Variants in VTI1A observed in about 807,000 individuals in gnomAD.
VTI1A encodes the protein vesicle transport through interaction with t-SNAREs homolog 1A.
A neutral mutation model predicts 34.9 loss-of-function variants in VTI1A; 22 were observed. The observed-to-expected ratio is 0.63, with a 90% CI of 0.45 to 0.90. The LOEUF (loss-of-function observed/expected upper bound fraction) is 0.90. VTI1A is among the 40% of genes least tolerant of loss of function. VTI1A has a pLI of 0.00. For synonymous variants in VTI1A, 87 were observed against 97.3 expected (o/e 0.89, Z 0.62); for missense variants, 268 against 275.6 (o/e 0.97, Z 0.20).
intron 5 of VTI1A, among the ~76,000 whole-genome samples, chr10:112,631,032 G>C (rs1190731153): frequency 2.6e-5 from 4 of 152,072 alleles, no homozygotes; most frequent in African/African-American, 9.7e-5. Flanking sequence ...TGAGACAGGA[G>C]AATCGCTTGA....
At chr10:112,758,611 T>C (rs1851362674) in intron 7 of VTI1A, among the ~76,000 whole-genome samples, 1 of 152,226 alleles carries the variant, frequency 6.6e-6, no homozygotes, top group Admixed American at 6.5e-5. Flanking sequence ...GAGCAAGGGC[T>C]TGGGCTGAGA....
chr10:112,813,494 T>C (rs983655321), intron 7 of VTI1A, among the ~76,000 whole-genome samples: 14 of 152,158 alleles, frequency 9.2e-5, no homozygotes, highest in African/African-American at 2.7e-4. Flanking sequence ...CTGTGGTAAA[T>C]AGAGATTTTG....
At chr10:112,827,242 A>G in the VTI1A span, 6 of 152,222 alleles carry the variant, frequency 3.9e-5, no homozygotes, top group African/African-American at 1.2e-4. Context: ...CGTGTAACTG[A>G]GCGATCGCGC....
chr10:112,647,059 AG>A (rs1057076155), intron 5 of VTI1A, among the ~76,000 whole-genome samples: 4 of 152,212 alleles, frequency 2.6e-5, no homozygotes, highest in Admixed American at 2.6e-4. Flanking sequence ...TTGCCCCCAC[AG>A]GCAAGTTGTT....
chr10:112,548,956 C>A (rs767458411), intron 5 of VTI1A: 10 of 687,142 alleles, frequency 1.5e-5, no homozygotes, highest in African/African-American at 3.6e-5. Flanking sequence ...ATAATTATAT[C>A]TTTCTTTCTT....
At chr10:112,478,148 A>G (rs975838156) in intron 3 of VTI1A, among the ~76,000 whole-genome samples, 4 of 152,208 alleles carry the variant, frequency 2.6e-5, no homozygotes, top group African/African-American at 9.7e-5. Flanking sequence ...TTAGATTGCT[A>G]GAAGTAGTGA....
At chr10:112,492,557 G>C (rs188951752) in intron 3 of VTI1A, among the ~76,000 whole-genome samples, 73 of 152,246 alleles carry the variant, frequency 4.8e-4, no homozygotes, top group Non-Finnish European at 1.8e-4. Flanking sequence ...GGAGACCCAG[G>C]CAGGCAGATC....
chr10:112,569,007 C>A (rs1216060966), intron 5 of VTI1A, among the ~76,000 whole-genome samples: 3 of 151,994 alleles, frequency 2.0e-5, no homozygotes, highest in African/African-American at 7.2e-5. Flanking sequence ...ATACAAAAAT[C>A]ATCCGGGTGT....
intron 5 of VTI1A, among the ~76,000 whole-genome samples, chr10:112,622,044 C>T (rs1296598291): frequency 6.6e-6 from 1 of 152,106 alleles, no homozygotes; most frequent in East Asian, 1.9e-4. Context: ...CTTATTTTAA[C>T]TCTGGTTCTA....
chr10:112,649,052 G>C (rs927535859), intron 5 of VTI1A, among the ~76,000 whole-genome samples: 2 of 152,132 alleles, frequency 1.3e-5, no homozygotes, highest in African/African-American at 4.8e-5. Context: ...GGATTTGCCA[G>C]TGATAAATGG....
intron 7 of VTI1A, among the ~76,000 whole-genome samples, chr10:112,768,815 G>A (rs772522976): frequency 6.6e-6 from 1 of 152,122 alleles, no homozygotes; most frequent in Non-Finnish European, 1.5e-5. Context: ...TATAATCATG[G>A]AGCCTCATGT....
At chr10:112,654,164 G>A (rs1847140355) in intron 5 of VTI1A, among the ~76,000 whole-genome samples, 1 of 152,164 alleles carries the variant, frequency 6.6e-6, no homozygotes, top group East Asian at 1.9e-4. Flanking sequence ...ATTTGGTTAT[G>A]TACTCTCCTT....
intron 5 of VTI1A, among the ~76,000 whole-genome samples, chr10:112,546,204 T>TACACACACAC (rs140142571): frequency 7.3e-6 from 1 of 136,182 alleles, no homozygotes; most frequent in African/African-American, 2.7e-5. Flanking sequence ...TATATATGCA[T>TACACACACAC]ACACACACAC....
chr10:112,538,392 A>C, intron 5 of VTI1A, 62 bp downstream of exon 5: 1 of 1,480,652 alleles, frequency 6.8e-7, no homozygotes. Flanking sequence ...ACAACACATG[A>C]CATTTCAGGG....
chr10:112,495,492 TA>T (rs926668717), intron 3 of VTI1A, among the ~76,000 whole-genome samples: 3 of 152,096 alleles, frequency 2.0e-5, no homozygotes, highest in African/African-American at 7.2e-5. Flanking sequence ...TGGGAGAGAC[TA>T]GGGGTGGGGC....
chr10:112,809,539 T>C (rs756029491), intron 7 of VTI1A, among the ~76,000 whole-genome samples: 2 of 152,296 alleles, frequency 1.3e-5, no homozygotes, highest in Non-Finnish European at 2.9e-5. Context: ...CTGTAAAGTG[T>C]CTGCCACTCT....
intron 5 of VTI1A, among the ~76,000 whole-genome samples, chr10:112,546,005 T>TGTGTGTGTATATACGTGTATACGCGC (rs1851081290): frequency 1.5e-5 from 2 of 136,928 alleles, no homozygotes; most frequent in African/African-American, 3.1e-5. Flanking sequence ...TGTATACGCG[T>TGTGTGTGTATATACGTGTATACGCGC]ATGTGTGTGT....
intron 5 of VTI1A, among the ~76,000 whole-genome samples, chr10:112,613,590 C>T (rs1451630300): frequency 6.6e-6 from 1 of 152,146 alleles, no homozygotes; most frequent in Non-Finnish European, 1.5e-5. Flanking sequence ...CACTGCCTAA[C>T]TTTAAATTGA....
intron 5 of VTI1A, among the ~76,000 whole-genome samples, chr10:112,574,156 A>G (rs934998043): frequency 1.3e-5 from 2 of 152,238 alleles, no homozygotes; most frequent in African/African-American, 4.8e-5. Context: ...TTTTAAAAAT[A>G]AAATCAAATA....
Sources: gnomAD v4.1 joint callset for allele counts (sites outside exome capture counted in the v4.1 genomes callset) on GRCh38, gnomAD v4.1.1 for gene constraint, MANE v1.5 for transcripts, NCBI Gene and HGNC (gene_info 2026-07-23, HGNC 2026-07-21) for gene names.